The following KIAA1549 variants were observed in gnomAD, a reference collection of about 807,000 sequenced individuals.
KIAA1549 encodes the protein KIAA1549.
Under a neutral mutation model 156.4 loss-of-function variants are expected in KIAA1549, and 70 were observed. The observed-to-expected ratio is 0.45, with a 90% CI of 0.37 to 0.55. The LOEUF is 0.55. KIAA1549 is among the 20% of genes least tolerant of loss of function. KIAA1549 has a pLI of 0.00. For missense variants in KIAA1549, 2,428 were observed against 2,540.9 expected, an observed-to-expected ratio of 0.96 and a Z score of 0.96; for synonymous variants, 1,103 against 1,066.4, an observed-to-expected ratio of 1.03 and a Z score of -0.67.
chr7:138,933,637 T>A (rs925931936), intron 1 of KIAA1549, among the ~76,000 whole-genome samples: 1 of 152,230 alleles, frequency 6.6e-6, no homozygotes, highest in South Asian at 2.1e-4. Context: ...ATATGGGAAC[T>A]CTGTGCATTA....
intron 12 of KIAA1549, among the ~76,000 whole-genome samples, chr7:138,874,848 A>C (rs1324639835): frequency 1.3e-5 from 2 of 152,070 alleles, no homozygotes; most frequent in Non-Finnish European, 2.9e-5. Flanking sequence ...TACAAAAAAT[A>C]ACCCGGCGTG....
chr7:138,864,040 A>G (rs1383490483), intron 15 of KIAA1549, among the ~76,000 whole-genome samples: 1 of 152,098 alleles, frequency 6.6e-6, no homozygotes, highest in Non-Finnish European at 1.5e-5. Context: ...CCACCAACCT[A>G]GAGCTCACGG....
intron 1 of KIAA1549, among the ~76,000 whole-genome samples, 197 bp downstream of exon 1, chr7:138,980,886 T>C (rs1235380357): frequency 6.6e-6 from 1 of 152,210 alleles, no homozygotes; most frequent in African/African-American, 2.4e-5. Context: ...GCCGCTCGCT[T>C]GTTCGTTTTA....
At chr7:138,911,391 A>C in intron 3 of KIAA1549, 68 bp from the exon 4 acceptor site, 1 of 1,216,908 alleles carries the variant, frequency 8.2e-7, no homozygotes, top group Non-Finnish European at 1.1e-6. Context: ...AAAAATAAAA[A>C]ATTATAAACT....
chr7:138,867,076 T>A (rs191983149), intron 15 of KIAA1549, among the ~76,000 whole-genome samples: 2 of 152,332 alleles, frequency 1.3e-5, no homozygotes, highest in East Asian at 1.9e-4. Context: ...GTGCTGGCAT[T>A]ACAGGTCTGA....
rs564755687 is a variant in KIAA1549, at chr7:138,877,992, C to T, written c.4345+1546G>A. ...ACTTGGAAAAATCCAGAGCTCTTTC[C>T]ACGCCCCCCCAAATATTTCTTTCCA... On this transcript the variant is annotated intron_variant, in intron 12 of 19. Transcript: ENST00000422774. Among the ~76,000 whole-genome samples, 36 of 152,312 alleles carry T rather than the reference C, an allele frequency of 2.4e-4. No individual in the cohort carries two copies. In the South Asian group the frequency reaches 6.0e-3, roughly 25 times the overall value.
intron 5 of KIAA1549, among the ~76,000 whole-genome samples, chr7:138,907,705 A>G (rs2130459275): frequency 6.6e-6 from 1 of 152,270 alleles, no homozygotes; most frequent in Middle Eastern, 3.4e-3. Flanking sequence ...AGGCCAACAG[A>G]GGTGCTAGCA....
rs1377268085 is a variant in KIAA1549, at chr7:138,981,248, G to T, written c.22C>A (p.Arg8Ser). 4 of 982,662 alleles carry T rather than the reference G, an allele frequency of 4.1e-6. No homozygotes were observed. Among genetic ancestry groups the T allele is most frequent in the Non-Finnish European group, 4.8e-6 (4 of 829,470 alleles). 60.9% of individuals were successfully genotyped at this position (982,662 alleles called of 1,614,324 possible). A position where few individuals can be genotyped will look rare whatever the true frequency, so the allele number is the denominator to read the frequency against. MPGARRR[R>S]RGAAMEGKPR... is the part of the protein sequence containing the mutation. ...TTCCCCTCCATGGCCGCGCCTCGGC[G>T]TCGGCGCCGCGCCCCCGGCATTCCC... Residue 8 changes from arginine (R) to serine (S), a missense_variant, in exon 1 of 20, where the codon CGC becomes AGC. Physicochemically the swap from Arg to Ser is moderately radical, Grantham distance 110. Coordinates refer to ENST00000422774, the MANE Select transcript of KIAA1549 (RefSeq NM_001164665.2). The surrounding 1 kb of genome is among the most constrained non-coding windows in gnomAD (Gnocchi z 4.5).
intron 10 of KIAA1549, among the ~76,000 whole-genome samples, chr7:138,886,827 C>G (rs950340581): frequency 2.0e-5 from 3 of 152,150 alleles, no homozygotes; most frequent in Non-Finnish European, 2.9e-5. Context: ...AAACCCAAAC[C>G]TGTTGTTCCA....
intron 1 of KIAA1549, among the ~76,000 whole-genome samples, chr7:138,954,308 T>C (rs1438953236): frequency 1.3e-5 from 2 of 152,060 alleles, no homozygotes; most frequent in Non-Finnish European, 2.9e-5. Context: ...GAAAAGAGCA[T>C]GAGTAAGATA....
At chr7:138,920,682 C>T (rs1336543932) in intron 1 of KIAA1549, among the ~76,000 whole-genome samples, 1 of 152,154 alleles carries the variant, frequency 6.6e-6, no homozygotes, top group Non-Finnish European at 1.5e-5. Context: ...TGATGAAAGC[C>T]CAGGGCCCAG....
At chr7:138,869,263 G>A (rs1810848126) in intron 14 of KIAA1549, among the ~76,000 whole-genome samples, 1 of 152,234 alleles carries the variant, frequency 6.6e-6, no homozygotes, top group Non-Finnish European at 1.5e-5. Context: ...TAAGCCCCAG[G>A]AAATGCCCCG....
Position 138,904,828 on chromosome 7 carries a change from C to A in KIAA1549, c.3520+194G>T, listed in dbSNP as rs549848110. Among the ~76,000 whole-genome samples the A allele has an allele frequency of 2.6e-5, 4 of 152,276 alleles. No homozygotes were observed. The East Asian group carries it at 7.7e-4, about 29-fold the overall frequency. ...TGTATGAATTTTAAAGAAAGTCAGTCCTTTTTGTTCTATAACTCAGTGGGA... is the reference window on the plus strand; with the variant it reads ...TGTATGAATTTTAAAGAAAGTCAGTACTTTTTGTTCTATAACTCAGTGGGA... On this transcript the variant is annotated intron_variant, in intron 7 of 19. Transcript: ENST00000422774.
chr7:138,888,239 G>A (rs1811453720), intron 10 of KIAA1549, among the ~76,000 whole-genome samples: 4 of 152,240 alleles, frequency 2.6e-5, no homozygotes, highest in Admixed American at 1.3e-4. Flanking sequence ...AAAAAGGGGT[G>A]AAAAGGTCCA....
intron 9 of KIAA1549, among the ~76,000 whole-genome samples, chr7:138,896,411 T>C (rs1811685320): frequency 6.6e-6 from 1 of 152,212 alleles, no homozygotes; most frequent in African/African-American, 2.4e-5. Flanking sequence ...GAGCACAGGC[T>C]GCATGGGATG....
intron 15 of KIAA1549, among the ~76,000 whole-genome samples, chr7:138,862,047 C>T (rs369052540): frequency 6.6e-6 from 1 of 152,042 alleles, no homozygotes; most frequent in Non-Finnish European, 1.5e-5. Flanking sequence ...AGCCCCTAAA[C>T]AGCCAAAAAT....
At chr7:138,910,133 C>G (rs1244762594) in intron 4 of KIAA1549, among the ~76,000 whole-genome samples, 1 of 152,038 alleles carries the variant, frequency 6.6e-6, no homozygotes, top group Non-Finnish European at 1.5e-5. Context: ...ACAAGACTGG[C>G]TAGGAACGGA....
At position 138,832,730 on chromosome 7, in the gene KIAA1549, T is replaced by G; in HGVS notation, c.*5176A>C. ...CAATGCTGCTGTGTTTTAAGATAAA[T>G]TATCAAGCCTACTGTCACACACACA... On this transcript the variant is annotated 3_prime_UTR_variant, in exon 20 of 20. Coordinates refer to ENST00000422774, the MANE Select transcript of KIAA1549 (RefSeq NM_001164665.2). 4.6e-6 allele frequency: 1 copy of G among 219,768 alleles called. No homozygotes were observed. The highest frequency in any genetic ancestry group is 9.1e-6 in the Non-Finnish European group (1 of 109,616). 13.6% of individuals were successfully genotyped at this position (219,768 alleles called of 1,614,324 possible).
chr7:138,884,208 G>C (rs1295986610), intron 10 of KIAA1549, among the ~76,000 whole-genome samples: 1 of 152,182 alleles, frequency 6.6e-6, no homozygotes, highest in Non-Finnish European at 1.5e-5. Context: ...CTGGAAGGTA[G>C]CACCCCCACG....
Sources: gnomAD v4.1 joint callset for allele counts (sites outside exome capture counted in the v4.1 genomes callset) on GRCh38, gnomAD v4.1.1 for gene constraint, Gnocchi (gnomAD v3.1) non-coding constraint, MANE v1.5 for transcripts, NCBI Gene and HGNC (gene_info 2026-07-23, HGNC 2026-07-21) for gene names.